Variants in LGSN observed in about 807,000 individuals in gnomAD.
LGSN encodes the protein lengsin.
A neutral mutation model predicts 19.5 loss-of-function variants in LGSN; 21 were observed. That is an observed-to-expected ratio of 1.07 (90% CI 0.76 to 1.55). The LOEUF (loss-of-function observed/expected upper bound fraction) is 1.55. LGSN is among the 40% of genes most tolerant of loss of function. LGSN has a pLI of 0.00. For missense variants in LGSN, 673 were observed against 608.5 expected (o/e 1.11, Z -1.12); for synonymous variants, 257 against 215.6 (o/e 1.19, Z -1.68).
At chr6:63,570,492 T>A in the LGSN span, among the ~76,000 whole-genome samples, 1 of 152,236 alleles carries the variant, frequency 6.6e-6, no homozygotes, top group Non-Finnish European at 1.5e-5. Flanking sequence ...TAGAACTTGA[T>A]GAGCATAGCT....
the LGSN span, among the ~76,000 whole-genome samples, chr6:63,470,650 A>G: frequency 2.0e-5 from 3 of 152,040 alleles, no homozygotes; most frequent in Admixed American, 6.6e-5. Context: ...CCTTGCTCTG[A>G]TAAGGAATAC....
the LGSN span, among the ~76,000 whole-genome samples, chr6:63,529,515 A>G: frequency 1.3e-5 from 2 of 151,866 alleles, no homozygotes; most frequent in Admixed American, 1.3e-4. Flanking sequence ...TTTTCTAACA[A>G]CCTAGCCTTC....
At chr6:63,514,952 C>T in the LGSN span, among the ~76,000 whole-genome samples, 1 of 151,904 alleles carries the variant, frequency 6.6e-6, no homozygotes, top group Non-Finnish European at 1.5e-5. Context: ...GTACCTCCTA[C>T]CTTGACCTCC....
chr6:63,412,521 A>AGAAAGAAG, the LGSN span, among the ~76,000 whole-genome samples: 2 of 90,356 alleles, frequency 2.2e-5, no homozygotes, highest in African/African-American at 8.3e-5. Context: ...AAAGAAAGAA[A>AGAAAGAAG]GAAAGAAGGA....
upstream of LGSN, among the ~76,000 whole-genome samples, chr6:63,324,850 G>A (rs558828207): frequency 1.3e-5 from 2 of 151,022 alleles, no homozygotes; most frequent in African/African-American, 4.9e-5. Context: ...GCTCATGCCT[G>A]TAATCCCAGC....
chr6:63,288,230 AAAATAAATAAATAAAT>A (rs561099445), intron 2 of LGSN, among the ~76,000 whole-genome samples: 2 of 138,490 alleles, frequency 1.4e-5, no homozygotes, highest in Non-Finnish European at 1.6e-5. Context: ...CCATCTCAAA[AAAATAAATAAATAAAT>A]AAATAAATAA....
chr6:63,354,782 T>C, the LGSN span, among the ~76,000 whole-genome samples: 1 of 152,082 alleles, frequency 6.6e-6, no homozygotes, highest in East Asian at 1.9e-4. Flanking sequence ...ATATACACAA[T>C]GGAATACTAT....
At chr6:63,528,662 G>A in the LGSN span, among the ~76,000 whole-genome samples, 1 of 152,126 alleles carries the variant, frequency 6.6e-6, no homozygotes, top group Non-Finnish European at 1.5e-5. Flanking sequence ...TCAGGAGGCT[G>A]AAGTGGGAGG....
At chr6:63,486,820 TTTA>T in the LGSN span, among the ~76,000 whole-genome samples, 1,702 of 146,160 alleles carry the variant, frequency 0.012, 30 homozygotes, top group African/African-American at 0.039. Flanking sequence ...GTATGTTTAT[TTTA>T]TTATTATTAT....
At chr6:63,566,346 G>T in the LGSN span, among the ~76,000 whole-genome samples, 4 of 152,198 alleles carry the variant, frequency 2.6e-5, no homozygotes, top group African/African-American at 7.2e-5. Flanking sequence ...TAGCCAGGGG[G>T]TGAGGGGATG....
the LGSN span, among the ~76,000 whole-genome samples, chr6:63,432,144 A>AGG: frequency 3.2e-5 from 4 of 123,326 alleles, no homozygotes; most frequent in Non-Finnish European, 6.5e-5. Flanking sequence ...AAAGAAAGAA[A>AGG]GAAAGAAAGA....
At chr6:63,505,565 AAAAGAAAGAAAGAAAG>A in the LGSN span, among the ~76,000 whole-genome samples, 1,725 of 58,626 alleles carry the variant, frequency 0.029, 181 homozygotes, top group East Asian at 0.053. Flanking sequence ...AAAAAAAAAA[AAAAGAAAGAAAGAAAG>A]AAAGAAAGAA....
At chr6:63,476,917 A>G in the LGSN span, among the ~76,000 whole-genome samples, 2 of 152,190 alleles carry the variant, frequency 1.3e-5, no homozygotes, top group African/African-American at 4.8e-5. Flanking sequence ...TGCTGCTTCT[A>G]CCTTTCTTAT....
chr6:63,452,918 A>G, the LGSN span, among the ~76,000 whole-genome samples: 1 of 150,474 alleles, frequency 6.6e-6, no homozygotes, highest in East Asian at 1.9e-4. Flanking sequence ...TTTTGAATAT[A>G]TGCATTTAAT....
At chr6:63,306,022 G>A (rs1028419826) in intron 1 of LGSN, among the ~76,000 whole-genome samples, 1 of 151,966 alleles carries the variant, frequency 6.6e-6, no homozygotes, top group Non-Finnish European at 1.5e-5. Flanking sequence ...AGCCAAGATC[G>A]CACCACTGCA....
the LGSN span, among the ~76,000 whole-genome samples, chr6:63,474,422 C>T: frequency 2.6e-5 from 4 of 151,780 alleles, no homozygotes; most frequent in South Asian, 6.2e-4. Context: ...TCCTGGCTAA[C>T]ATGGTGAAAC....
At chr6:63,332,593 C>T in the LGSN span, among the ~76,000 whole-genome samples, 1 of 152,144 alleles carries the variant, frequency 6.6e-6, no homozygotes, top group African/African-American at 2.4e-5. Context: ...GTTAGAGAGC[C>T]CTTTCCTGGA....
chr6:63,523,072 G>A, the LGSN span, among the ~76,000 whole-genome samples: 1 of 151,310 alleles, frequency 6.6e-6, no homozygotes, highest in African/African-American at 2.4e-5. Flanking sequence ...ACCTTTTTTG[G>A]CCAGGCTGGT....
the LGSN span, among the ~76,000 whole-genome samples, chr6:63,442,830 T>C: frequency 1.3e-5 from 2 of 152,224 alleles, no homozygotes; most frequent in Non-Finnish European, 1.5e-5. Flanking sequence ...TTGGTGCATA[T>C]ACAATCCTCC....
Sources: gnomAD v4.1 joint callset for allele counts (sites outside exome capture counted in the v4.1 genomes callset) on GRCh38, gnomAD v4.1.1 for gene constraint, MANE v1.5 for transcripts, NCBI Gene and HGNC (gene_info 2026-07-23, HGNC 2026-07-21) for gene names.